Variants in NOTCH2NLC observed in about 807,000 individuals in gnomAD.
NOTCH2NLC encodes notch 2 N-terminal like C, also known as notch homolog 2 N-terminal-like protein C.
A neutral mutation model predicts 17.7 loss-of-function variants in NOTCH2NLC; 4 were observed. That is an observed-to-expected ratio of 0.23 (90% CI 0.11 to 0.52). The LOEUF is 0.52. NOTCH2NLC is among the 20% of genes least tolerant of loss of function. The pLI, the probability that NOTCH2NLC is intolerant of heterozygous loss-of-function variation, is 0.96. For missense variants in NOTCH2NLC, 57 were observed against 207.2 expected (o/e 0.28, Z 4.45); for synonymous variants, 18 against 86.0 (o/e 0.21, Z 4.38).
At chr1:149,457,683 G>A (rs1186148218) in intron 3 of NOTCH2NLC, among the ~76,000 whole-genome samples, 2 of 148,020 alleles carry the variant, frequency 1.4e-5, no homozygotes, top group Admixed American at 6.8e-5. Context: ...ATATTTGAGG[G>A]CAGGAAACAT....
Position 149,471,016 on chromosome 1 carries a change from A to G in NOTCH2NLC, c.*6863A>G, listed in dbSNP as rs1190510496. On this transcript the variant is annotated 3_prime_UTR_variant, in exon 5 of 5. Coordinates refer to ENST00000650865, the MANE Select transcript of NOTCH2NLC (RefSeq NM_001364013.2). ...ATTGTCTGTCTTTTTTATTATATTC[A>G]TCTGTAATGTGAAGTGTTTATCTCA... Among the ~76,000 whole-genome samples the G allele has an allele frequency of 6.7e-6, 1 of 148,668 alleles. No individual in the cohort carries two copies. Among genetic ancestry groups the G allele is most frequent in the Admixed American group, 6.7e-5 (1 of 14,948 alleles).
intron 1 of NOTCH2NLC, among the ~76,000 whole-genome samples, chr1:149,427,457 G>T (rs2084419394): frequency 7.1e-6 from 1 of 141,796 alleles, no homozygotes; most frequent in Non-Finnish European, 1.5e-5. Context: ...ATATCTAAAG[G>T]TTGAATAGTA....
intron 2 of NOTCH2NLC, among the ~76,000 whole-genome samples, chr1:149,438,954 G>T (rs1274065147): frequency 6.7e-6 from 1 of 148,540 alleles, no homozygotes; most frequent in African/African-American, 2.5e-5. Context: ...GGGCTCAAGT[G>T]ATCCTCCCAC....
chr1:149,461,018 T>G (rs2084647086), intron 3 of NOTCH2NLC, among the ~76,000 whole-genome samples: 1 of 148,206 alleles, frequency 6.7e-6, no homozygotes, highest in Admixed American at 6.7e-5. Context: ...CACTGCAACC[T>G]CCACCTCTTG....
Position 149,390,844 on chromosome 1 carries a change from C to CGGCGGCGGCGGCGGCGGCGG in NOTCH2NLC, c.57_58insGGCGGCGGCGGCGGCGGCGG (p.Arg20GlyfsTer42), listed in dbSNP as rs1570895608. Reference sequence around the variant, plus strand: ...GCGGCGGCGGCGGAGGAGGCGGCGACCGAGAAGATGCCCGCCCTGCGCCGC... The same window carrying CGGCGGCGGCGGCGGCGGCGG: ...GCGGCGGCGGCGGAGGAGGCGGCGACGGCGGCGGCGGCGGCGGCGGCGAGAAGATGCCCGCCCTGCGCCGC... On this transcript the variant is annotated frameshift_variant, in exon 1 of 5. Coordinates refer to ENST00000650865, the MANE Select transcript of NOTCH2NLC (RefSeq NM_001364013.2). LOFTEE classifies it high-confidence loss of function. 5.3e-6 allele frequency: 7 copies of CGGCGGCGGCGGCGGCGGCGG among 1,329,758 alleles called. No homozygotes were observed. Among genetic ancestry groups the CGGCGGCGGCGGCGGCGGCGG allele is most frequent in the Admixed American group, 3.3e-5 (1 of 29,872 alleles). The allele number at this position is 1,329,758 out of a possible 1,614,324, so 82.4% of individuals were successfully genotyped here.
At chr1:149,457,533 T>A (rs2084620678) in intron 3 of NOTCH2NLC, among the ~76,000 whole-genome samples, 1 of 144,124 alleles carries the variant, frequency 6.9e-6, no homozygotes, top group Non-Finnish European at 1.5e-5. Context: ...ATATATATAT[T>A]GGCAATCTTT....
chr1:149,467,108 C>T lies in NOTCH2NLC; in HGVS notation c.*2955C>T. On this transcript the variant is annotated 3_prime_UTR_variant, in exon 5 of 5. Transcript: ENST00000650865. ...CAGTGCCCAGTATATACTAGGCCCG[C>T]AAATATATATTGGCTGACTGACTGT... 4.6e-5 allele frequency: 2 copies of T among 43,708 alleles called. No homozygotes were observed. Among genetic ancestry groups the T allele is most frequent in the Middle Eastern group, 0.013 (2 of 156 alleles). 2.7% of individuals were successfully genotyped at this position (43,708 alleles called of 1,614,324 possible). A position where few individuals can be genotyped will look rare whatever the true frequency, so the allele number is the denominator to read the frequency against.
At chr1:149,437,092 T>C (rs2084486618) in intron 2 of NOTCH2NLC, among the ~76,000 whole-genome samples, 3 of 133,268 alleles carry the variant, frequency 2.3e-5, no homozygotes, top group East Asian at 2.2e-4. Flanking sequence ...GTTCATTAAC[T>C]TGGGCTTCTT....
At chr1:149,462,175 T>G (rs1238438463) in intron 3 of NOTCH2NLC, among the ~76,000 whole-genome samples, 6 of 149,992 alleles carry the variant, frequency 4.0e-5, no homozygotes, top group Admixed American at 3.3e-4. Context: ...CTCTGTAGTT[T>G]AAATAATAAG....
rs2084683777 is a variant in NOTCH2NLC, at chr1:149,466,283, A to ATATATG, written c.*2135_*2136insGTATAT. 6.7e-6 allele frequency: 1 copy of ATATATG among 150,256 alleles called. No homozygotes were observed. Among genetic ancestry groups the ATATATG allele is most frequent in the Non-Finnish European group, 1.5e-5 (1 of 67,346 alleles). The allele number at this position is 150,256 out of a possible 1,614,324, so 9.3% of individuals were successfully genotyped here. A position where few individuals can be genotyped will look rare whatever the true frequency, so the allele number is the denominator to read the frequency against. Reference sequence around the variant, plus strand: ...GTGTGTGTGTGTGTGTGTGGTATATATATATATATCGCATTGTGCAGATGT... The same window carrying ATATATG: ...GTGTGTGTGTGTGTGTGTGGTATATATATATGTATATATATCGCATTGTGCAGATGT... On this transcript the variant is annotated 3_prime_UTR_variant, in exon 5 of 5. Transcript: ENST00000650865.
chr1:149,408,617 G>A (rs2084282196), intron 1 of NOTCH2NLC, among the ~76,000 whole-genome samples: 1 of 151,354 alleles, frequency 6.6e-6, no homozygotes, highest in African/African-American at 2.4e-5. Context: ...GGAATAAAAT[G>A]TATGATGGCT....
Position 149,391,023 on chromosome 1 carries a change from C to T in NOTCH2NLC, c.135+101C>T, listed in dbSNP as rs1188053668. The T allele has an allele frequency of 2.7e-5, 27 of 1,009,396 alleles. 1 individual carries two copies. Among genetic ancestry groups the T allele is most frequent in the Non-Finnish European group, 3.3e-5 (27 of 815,362 alleles). The allele number at this position is 1,009,396 out of a possible 1,614,324, so 62.5% of individuals were successfully genotyped here. A position where few individuals can be genotyped will look rare whatever the true frequency, so the allele number is the denominator to read the frequency against. Reference sequence around the variant, plus strand: ...CTTCTCTGTGTGGGAAGGCCAGGCTCGGCCGCCGGCGCGGAGCGAGGCCAC... The same window carrying T: ...CTTCTCTGTGTGGGAAGGCCAGGCTTGGCCGCCGGCGCGGAGCGAGGCCAC... On this transcript the variant is annotated intron_variant, in intron 1 of 4. Coordinates refer to ENST00000650865, the MANE Select transcript of NOTCH2NLC (RefSeq NM_001364013.2).
At chr1:149,419,026 C>T (rs2084363108) in intron 1 of NOTCH2NLC, among the ~76,000 whole-genome samples, 1 of 147,084 alleles carries the variant, frequency 6.8e-6, no homozygotes, top group Non-Finnish European at 1.5e-5. Flanking sequence ...TTCCCTTTCC[C>T]TTCCTCTCTC....
In NOTCH2NLC at chr1:149,419,855, A is replaced by ATTTTT. The variant is rs1166865199; in HGVS notation, c.136-11065_136-11061dup. ...GAAGTTCAGGAATATATATATATAT[A>ATTTTT]TTTTTTTTTTTTTTTTTTTTTTTTT... On this transcript the variant is annotated intron_variant, in intron 1 of 4. Transcript: ENST00000650865. Among the ~76,000 whole-genome samples, 10 of 78,204 alleles carry ATTTTT rather than the reference A, an allele frequency of 1.3e-4. 1 individual carries two copies. Among genetic ancestry groups the ATTTTT allele is most frequent in the African/African-American group, 4.1e-4 (7 of 17,232 alleles). The allele number at this position is 78,204 out of a possible 152,430, so 51.3% of individuals were successfully genotyped here.
In NOTCH2NLC at chr1:149,448,714, A is replaced by C. The variant is rs1195136568; in HGVS notation, c.210-6604A>C. Reference sequence around the variant, plus strand: ...TGGTTCAGCTCTGTGCTGCACTGGTAAGAACATGTGTTAAGCCTTTTTCCA... The same window carrying C: ...TGGTTCAGCTCTGTGCTGCACTGGTCAGAACATGTGTTAAGCCTTTTTCCA... On this transcript the variant is annotated intron_variant, in intron 2 of 4. Transcript: ENST00000650865. 5.3e-5 allele frequency among the ~76,000 whole-genome samples: 8 copies of C among 150,362 alleles called. No individual in the cohort carries two copies. In the South Asian group the frequency reaches 1.5e-3, roughly 28 times the overall value.
rs1400299153 is a variant in NOTCH2NLC, at chr1:149,468,815, C to T, written c.*4662C>T. On this transcript the variant is annotated 3_prime_UTR_variant, in exon 5 of 5. Transcript: ENST00000650865. ...TGGGCGGGTGATGGAGTGGGAGATA[C>T]GTGGCACAGGGGTCAGTGAGTTAAT... is the stretch of plus-strand genomic sequence containing the variant. Among the ~76,000 whole-genome samples, 13 of 140,526 alleles carry T rather than the reference C, an allele frequency of 9.3e-5. No individual in the cohort carries two copies. Among genetic ancestry groups the T allele is most frequent in the South Asian group, 5.1e-4 (2 of 3,942 alleles). 92.2% of individuals were successfully genotyped at this position (140,526 alleles called of 152,430 possible). A position where few individuals can be genotyped will look rare whatever the true frequency, so the allele number is the denominator to read the frequency against.
intron 2 of NOTCH2NLC, among the ~76,000 whole-genome samples, chr1:149,449,173 A>G (rs1399128664): frequency 1.9e-4 from 29 of 150,956 alleles, no homozygotes; most frequent in African/African-American, 4.1e-4. Context: ...GAGCCACCGC[A>G]CCTGGCCTAG....
chr1:149,430,543 T>C (rs1357770065), intron 1 of NOTCH2NLC, among the ~76,000 whole-genome samples: 1 of 145,640 alleles, frequency 6.9e-6, no homozygotes, highest in Non-Finnish European at 1.5e-5. Context: ...AGTATAATGG[T>C]GATCTATTAT....
intron 3 of NOTCH2NLC, among the ~76,000 whole-genome samples, chr1:149,460,639 T>G: frequency 1.3e-5 from 2 of 148,572 alleles, no homozygotes; most frequent in Non-Finnish European, 1.5e-5. Flanking sequence ...ACCCGGCCGA[T>G]TCTGATCATC....
Sources: gnomAD v4.1 joint callset for allele counts (sites outside exome capture counted in the v4.1 genomes callset) on GRCh38, gnomAD v4.1.1 for gene constraint, MANE v1.5 for transcripts, NCBI Gene and HGNC (gene_info 2026-07-23, HGNC 2026-07-21) for gene names.